The following MAP7D2 variants were observed in gnomAD, a reference collection of about 807,000 sequenced individuals.
The protein encoded by MAP7D2 is MAP7 domain containing 2.
MAP7D2 carries 33 observed loss-of-function variants against 63.5 expected under a neutral mutation model. The observed-to-expected ratio is 0.52, with a 90% CI of 0.39 to 0.70. The LOEUF (loss-of-function observed/expected upper bound fraction) is 0.70, where lower values mean the gene tolerates loss of function less well. Ranked by LOEUF, MAP7D2 falls within the 30% of genes least tolerant of loss-of-function variation. MAP7D2 has a pLI of 0.00. For synonymous variants in MAP7D2, 224 were observed against 223.7 expected, an observed-to-expected ratio of 1.00 and a Z score of -0.01; for missense variants, 626 against 604.0, an observed-to-expected ratio of 1.04 and a Z score of -0.38.
chrX:20,036,903 C>CAAAAAA (rs59036515), intron 8 of MAP7D2, among the ~76,000 whole-genome samples: 1 of 29,721 alleles, frequency 3.4e-5, no homozygotes, highest in African/African-American at 1.1e-4. Flanking sequence ...GACTCCATCT[C>CAAAAAA]AAAAAAAAAA....
intron 4 of MAP7D2, among the ~76,000 whole-genome samples, chrX:20,055,362 G>A (rs151106224): frequency 0.012 from 1,386 of 111,792 alleles, 9 homozygotes; most frequent in Non-Finnish European, 0.021. Context: ...TCAGAACTCC[G>A]GGTGATTACA....
chrX:20,052,455 AT>A, intron 5 of MAP7D2: 4 of 255,313 alleles, frequency 1.6e-5, no homozygotes, highest in South Asian at 1.4e-4. Flanking sequence ...GCAGAACCCC[AT>A]TTTTTCACAT....
rs771470807 is a variant in MAP7D2 at position 20,114,658 on chromosome X, C to T, written c.130+2092G>A. Among the ~76,000 whole-genome samples the T allele has an allele frequency of 5.3e-5, 6 of 112,212 alleles. No individual in the cohort carries two copies. In the South Asian group the frequency reaches 1.5e-3, roughly 28 times the overall value. ...GAAACCACCAGCGGTATTTCCTTTCCGTCTTTTACACAGCTCCCAGGAAAA... is the reference window on the plus strand; with the variant it reads ...GAAACCACCAGCGGTATTTCCTTTCTGTCTTTTACACAGCTCCCAGGAAAA... On this transcript the variant is annotated intron_variant, in intron 1 of 16. Coordinates refer to ENST00000379643, the MANE Select transcript of MAP7D2 (RefSeq NM_001168465.2).
At chrX:20,078,851 C>A (rs2065709296) in intron 1 of MAP7D2, among the ~76,000 whole-genome samples, 1 of 109,498 alleles carries the variant, frequency 9.1e-6, no homozygotes, top group African/African-American at 3.3e-5. Context: ...CTAGAACCAG[C>A]CCCTGACCCT....
At chrX:20,077,725 A>T (rs1270963042) in intron 1 of MAP7D2, among the ~76,000 whole-genome samples, 1 of 112,240 alleles carries the variant, frequency 8.9e-6, no homozygotes, top group African/African-American at 3.2e-5. Context: ...AACCTCAATC[A>T]GGCTACCTTT....
intron 1 of MAP7D2, among the ~76,000 whole-genome samples, chrX:20,104,890 A>T (rs1180834799): frequency 1.8e-5 from 2 of 112,107 alleles, no homozygotes; most frequent in East Asian, 2.8e-4. Flanking sequence ...ATCCCCATGA[A>T]CAATACACTT....
chrX:20,114,217 G>A (rs777994026), intron 1 of MAP7D2, among the ~76,000 whole-genome samples: 1 of 112,095 alleles, frequency 8.9e-6, no homozygotes, highest in African/African-American at 3.2e-5. Flanking sequence ...ATTTTTAGTA[G>A]AGATAGGGTT....
intron 3 of MAP7D2, among the ~76,000 whole-genome samples, chrX:20,059,717 GAAAGAAGGAAGGAAAA>G (rs2065158343): frequency 1.9e-5 from 2 of 106,739 alleles, no homozygotes; most frequent in South Asian, 4.4e-4. Flanking sequence ...AGGAAGGAAG[GAAAGAAGGAAGGAAAA>G]AAAGAAGGAA....
chrX:20,043,238 G>A (rs1230527370), intron 7 of MAP7D2, among the ~76,000 whole-genome samples: 1 of 112,176 alleles, frequency 8.9e-6, no homozygotes, highest in Non-Finnish European at 1.9e-5. Context: ...AGTAAAATCC[G>A]AGAGTCTAAA....
intron 8 of MAP7D2, among the ~76,000 whole-genome samples, chrX:20,030,404 A>C (rs971543382): frequency 1.8e-5 from 2 of 112,088 alleles, no homozygotes; most frequent in African/African-American, 6.5e-5. Flanking sequence ...GGGATTCACA[A>C]GGTGTGTTTA....
intron 4 of MAP7D2, chrX:20,055,949 T>C: frequency 3.2e-6 from 1 of 308,626 alleles, no homozygotes; most frequent in Non-Finnish European, 5.5e-6. Flanking sequence ...TTGTTGACTT[T>C]TCAAAAAAGA....
intron 1 of MAP7D2, among the ~76,000 whole-genome samples, chrX:20,069,774 ATT>A (rs747257549): frequency 0.017 from 1,497 of 87,262 alleles, 29 homozygotes; most frequent in African/African-American, 0.059. Context: ...TCTCTCTGTA[ATT>A]TTTTTTTTTT....
intron 1 of MAP7D2, 51 bp downstream of exon 1, chrX:20,116,699 C>A (rs1283553690): frequency 2.7e-6 from 3 of 1,120,856 alleles, no homozygotes; most frequent in Non-Finnish European, 2.4e-6. Flanking sequence ...GGCCCGCCCC[C>A]CCACAGGAAC....
chrX:20,079,931 C>G (rs754963774), intron 1 of MAP7D2, among the ~76,000 whole-genome samples: 2 of 111,246 alleles, frequency 1.8e-5, no homozygotes, highest in Non-Finnish European at 3.8e-5. Context: ...CTTTCTCTGC[C>G]AAGCTGATAG....
chrX:20,110,235 C>A (rs1354257067), intron 1 of MAP7D2, among the ~76,000 whole-genome samples: 1 of 108,649 alleles, frequency 9.2e-6, no homozygotes, highest in African/African-American at 3.4e-5. Context: ...CGCCTGTAAT[C>A]CCAGCACTTT....
chrX:20,007,648 G>C lies in MAP7D2; in HGVS notation c.*777C>G, dbSNP rs933445930. 2 of 111,725 alleles carry C rather than the reference G, an allele frequency of 1.8e-5. No homozygotes were observed. The highest frequency in any genetic ancestry group is 6.5e-5 in the African/African-American group (2 of 30,672). 9.2% of individuals were successfully genotyped at this position (111,725 alleles called of 1,213,427 possible). A position where few individuals can be genotyped will look rare whatever the true frequency, so the allele number is the denominator to read the frequency against. ...GCACGCGAGACATAGGATTCATTCAGCTGGAAAGCCACTCCATGGTCTGGA... is the reference window on the plus strand; with the variant it reads ...GCACGCGAGACATAGGATTCATTCACCTGGAAAGCCACTCCATGGTCTGGA... On this transcript the variant is annotated 3_prime_UTR_variant, in exon 17 of 17. Coordinates refer to ENST00000379643, the MANE Select transcript of MAP7D2 (RefSeq NM_001168465.2).
intron 5 of MAP7D2, 79 bp downstream of exon 5, chrX:20,052,799 C>T (rs950718831): frequency 4.5e-5 from 35 of 771,265 alleles, no homozygotes; most frequent in Non-Finnish European, 6.4e-5. Context: ...CAAGAGGAGA[C>T]TCTCACAAAG....
intron 1 of MAP7D2, among the ~76,000 whole-genome samples, chrX:20,110,300 C>T (rs1783692473): frequency 9.2e-6 from 1 of 109,233 alleles, no homozygotes; most frequent in African/African-American, 3.3e-5. Flanking sequence ...CCAGCCTGGC[C>T]AACGTGGTGA....
chrX:20,055,457 G>A (rs1200249874), intron 4 of MAP7D2, among the ~76,000 whole-genome samples: 2 of 111,861 alleles, frequency 1.8e-5, no homozygotes, highest in African/African-American at 6.5e-5. Flanking sequence ...AGATCTGAGT[G>A]TGCAAAAATC....
Sources: allele counts gnomAD v4.1 joint callset (sites outside exome capture counted in the v4.1 genomes callset), GRCh38; gene constraint gnomAD v4.1.1; transcripts MANE v1.5; gene names NCBI Gene and HGNC (gene_info 2026-07-23, HGNC 2026-07-21).